CASK: variants seen among roughly 807,000 people sequenced by gnomAD.
The protein encoded by CASK is calcium/calmodulin dependent serine protein kinase.
A neutral mutation model predicts 82.9 loss-of-function variants in CASK; 4 were observed. That is an observed-to-expected ratio of 0.05 (90% CI 0.02 to 0.11). The LOEUF (loss-of-function observed/expected upper bound fraction) is 0.11. CASK is among the 10% of genes least tolerant of loss of function. CASK has a pLI of 1.00. For missense variants in CASK, 358 were observed against 720.9 expected, an observed-to-expected ratio of 0.50 and a Z score of 5.76; for synonymous variants, 259 against 253.5, an observed-to-expected ratio of 1.02 and a Z score of -0.20.
At chrX:41,750,579 G>A (rs1423534174) in intron 3 of CASK, among the ~76,000 whole-genome samples, 1 of 111,826 alleles carries the variant, frequency 8.9e-6, no homozygotes, top group Non-Finnish European at 1.9e-5. Context: ...AGAAATTAAG[G>A]GCAGTTTAGT....
intron 2 of CASK, among the ~76,000 whole-genome samples, chrX:41,839,346 T>C (rs966563960): frequency 9.0e-6 from 1 of 111,717 alleles, no homozygotes; most frequent in South Asian, 3.7e-4. Flanking sequence ...GTTTTCACCA[T>C]ACAAGGTTTG....
At chrX:41,796,486 A>C (rs181780485) in intron 2 of CASK, among the ~76,000 whole-genome samples, 23 of 112,387 alleles carry the variant, frequency 2.0e-4, no homozygotes, top group African/African-American at 6.1e-4. Flanking sequence ...GTGTAGTTCT[A>C]TGCCTACTTT....
chrX:41,673,383 G>A (rs2067221319), intron 5 of CASK, among the ~76,000 whole-genome samples: 1 of 111,995 alleles, frequency 8.9e-6, no homozygotes. Flanking sequence ...GCCTCCCAAA[G>A]TGCCCAGATT....
intron 2 of CASK, among the ~76,000 whole-genome samples, chrX:41,787,565 A>C (rs921874755): frequency 4.6e-5 from 5 of 109,819 alleles, no homozygotes; most frequent in Admixed American, 2.9e-4. Context: ...AAAAAAAAAA[A>C]AACAAACCAC....
intron 3 of CASK, chrX:41,748,105 G>A (rs1035244834): frequency 6.3e-5 from 7 of 111,756 alleles, no homozygotes; most frequent in African/African-American, 2.3e-4. Flanking sequence ...GGGTAAGCAC[G>A]ATTCAACTTA....
At chrX:41,862,237 A>G (rs1386204156) in intron 1 of CASK, among the ~76,000 whole-genome samples, 2 of 110,426 alleles carry the variant, frequency 1.8e-5, no homozygotes, top group African/African-American at 6.6e-5. Flanking sequence ...GTCAAAACAC[A>G]GGGCATGGTG....
In CASK at chrX:41,877,309, A is replaced by G. The variant is rs1308680535; in HGVS notation, c.60-24082T>C. Among the ~76,000 whole-genome samples the G allele has an allele frequency of 3.6e-5, 4 of 111,700 alleles. 1 individual carries two copies. Among genetic ancestry groups the G allele is most frequent in the Non-Finnish European group, 7.5e-5 (4 of 52,983 alleles). ...GGCTTCCTTCAAATAGGGGAATTAG[A>G]CTGGTCTCCAATCTCTTTGTACAGA... On this transcript the variant is annotated intron_variant, in intron 1 of 26. Coordinates refer to ENST00000378163, the MANE Select transcript of CASK (RefSeq NM_001367721.1).
chrX:41,915,982 C>T (rs921229894), intron 1 of CASK, among the ~76,000 whole-genome samples: 11 of 109,330 alleles, frequency 1.0e-4, no homozygotes, highest in African/African-American at 3.7e-4. Context: ...AGTGAGACTC[C>T]GTCTCAAAAC....
At chrX:41,540,877 A>C (rs1474554615) in intron 22 of CASK, among the ~76,000 whole-genome samples, 1 of 112,704 alleles carries the variant, frequency 8.9e-6, no homozygotes, top group East Asian at 2.8e-4. Flanking sequence ...CTCAGAGCTG[A>C]ATTAAAGAAT....
intron 9 of CASK, among the ~76,000 whole-genome samples, chrX:41,633,890 C>T (rs953397534): frequency 1.8e-5 from 2 of 110,248 alleles, no homozygotes; most frequent in Non-Finnish European, 3.8e-5. Context: ...CCCCCAATAG[C>T]TGGGATTACA....
chrX:41,848,259 G>A (rs1304210530), intron 2 of CASK, among the ~76,000 whole-genome samples: 1 of 111,810 alleles, frequency 8.9e-6, no homozygotes, highest in African/African-American at 3.3e-5. Flanking sequence ...TAGTTGGGAT[G>A]TTTGTCCCCT....
chrX:41,743,918 G>C (rs965873672), intron 4 of CASK, among the ~76,000 whole-genome samples: 1 of 110,618 alleles, frequency 9.0e-6, no homozygotes, highest in African/African-American at 3.3e-5. Context: ...GATCAGCCTG[G>C]CCAACATGGT....
intron 8 of CASK, among the ~76,000 whole-genome samples, chrX:41,637,685 C>T (rs948828955): frequency 6.4e-5 from 7 of 109,623 alleles, no homozygotes; most frequent in Non-Finnish European, 1.9e-5. Flanking sequence ...ATTCTGTCGC[C>T]CAGGCTGGAG....
At chrX:41,636,501 T>C in intron 9 of CASK, 77 bp downstream of exon 9, 1 of 653,466 alleles carries the variant, frequency 1.5e-6, no homozygotes, top group Non-Finnish European at 2.6e-6. Context: ...AGTACATATT[T>C]ATGGGCACCA....
chrX:41,620,913 G>A (rs896672034), intron 11 of CASK, among the ~76,000 whole-genome samples: 30 of 111,933 alleles, frequency 2.7e-4, no homozygotes, highest in African/African-American at 8.1e-4. Context: ...TTCTGTCAGC[G>A]TATAGATGTT....
intron 4 of CASK, 24 bp downstream of exon 4, chrX:41,745,499 TG>T: frequency 9.7e-7 from 1 of 1,029,075 alleles, no homozygotes; most frequent in Non-Finnish European, 1.4e-6. Context: ...ACTTGACCTC[TG>T]GTGATTAGAT....
rs1169602276 is a variant in CASK, at chrX:41,516,457, AG to A, written c.*3962del. On this transcript the variant is annotated 3_prime_UTR_variant, in exon 27 of 27. Transcript: ENST00000378163. Reference sequence around the variant, plus strand: ...GGCAAATGAAATGATCTGTGATTAAAGCTTGTAGCCTTTCTGTAAGCTGCAG... The same window carrying A: ...GGCAAATGAAATGATCTGTGATTAAACTTGTAGCCTTTCTGTAAGCTGCAG... 2 of 112,937 alleles carry A rather than the reference AG, an allele frequency of 1.8e-5. No individual in the cohort carries two copies. The highest frequency in any genetic ancestry group is 6.4e-5 in the African/African-American group (2 of 31,123). The allele number at this position is 112,937 out of a possible 1,213,427, so 9.3% of individuals were successfully genotyped here.
intron 11 of CASK, among the ~76,000 whole-genome samples, chrX:41,620,435 A>G (rs1044028952): frequency 1.1e-4 from 12 of 112,134 alleles, no homozygotes; most frequent in Non-Finnish European, 1.9e-4. Flanking sequence ...AAGAGTAATC[A>G]ATACCTTTTC....
chrX:41,912,752 C>T (rs1200727599), intron 1 of CASK, among the ~76,000 whole-genome samples: 1 of 103,535 alleles, frequency 9.7e-6, no homozygotes, highest in African/African-American at 3.5e-5. Flanking sequence ...GCCTAGGCAA[C>T]ATAGTGAGAC....
Sources: gnomAD v4.1 joint callset for allele counts (sites outside exome capture counted in the v4.1 genomes callset) on GRCh38, gnomAD v4.1.1 for gene constraint, MANE v1.5 for transcripts, NCBI Gene and HGNC (gene_info 2026-07-23, HGNC 2026-07-21) for gene names.